NUTM1: variants seen among roughly 807,000 people sequenced by gnomAD.
The protein encoded by NUTM1 is NUT midline carcinoma family member 1, also known as NUT family member 1.
In NUTM1, 39 loss-of-function variants were observed where a neutral mutation model predicts 88.7. That is an observed-to-expected ratio of 0.44 (90% confidence interval 0.34 to 0.57). The LOEUF (loss-of-function observed/expected upper bound fraction) is 0.57. Ranked by LOEUF, NUTM1 falls within the 20% of genes least tolerant of loss-of-function variation. The probability of loss-of-function intolerance (pLI) is 0.01; values close to 1 mark genes in which losing one functional copy is unlikely to be tolerated. For missense variants in NUTM1, 1,350 were observed against 1,414.5 expected (o/e 0.95, Z 0.73); for synonymous variants, 494 against 538.0 (o/e 0.92, Z 1.13).
chr15:34,347,858 A>C (rs1024706047), intron 2 of NUTM1, 111 bp from the exon 3 acceptor site: 1 of 1,924 alleles, frequency 5.2e-4, no homozygotes, highest in African/African-American at 5.7e-4. Context: ...ATCTCAAAAA[A>C]TAAAAATAAA....
chr15:34,354,493 C>T lies in NUTM1; in HGVS notation c.1123C>T (p.Arg375Cys), dbSNP rs202083206. The T allele has an allele frequency of 1.8e-5, 29 of 1,614,138 alleles. No individual in the cohort carries two copies. In the African/African-American group the frequency reaches 3.1e-4, roughly 17 times the overall value. The stretch of plus-strand genomic sequence containing the variant: ...CTCCAAGACACGGGCCCCCCGCCGG[C>T]GTCAGCGTAAAGCCCAGAGACCTCC... ...AASKTRAPRRRQRKAQRPPAP... is the reference protein window; with the variant it reads ...AASKTRAPRRCQRKAQRPPAP... Residue 375 changes from arginine (R) to cysteine (C), a missense_variant, in exon 6 of 8, where the codon CGT becomes TGT. Around this residue, in one of 5 missense-constraint regions of NUTM1, gnomAD observed 89 missense variants for 76.0 expected, o/e 1.17. Transcript: ENST00000537011.
rs564531924 is a variant in NUTM1 at position 34,348,730 on chromosome 15, C to A, written c.809+53C>A. 8 of 1,324,948 alleles carry A rather than the reference C, an allele frequency of 6.0e-6. No homozygotes were observed. In the Middle Eastern group the frequency reaches 7.4e-4, roughly 123 times the overall value. The allele number at this position is 1,324,948 out of a possible 1,614,324, so 82.1% of individuals were successfully genotyped here. The stretch of plus-strand genomic sequence containing the variant: ...TTCTAGGGCTTTTAAATAAGGAGGA[C>A]TTTGGGGTGAACATAGTAGTTTAGG... On this transcript the variant is annotated intron_variant, in intron 3 of 7. Transcript: ENST00000537011.
chr15:34,355,138 G>T lies in NUTM1; in HGVS notation c.1479+1G>T. 1 of 1,559,096 alleles carries T rather than the reference G, an allele frequency of 6.4e-7. No individual in the cohort carries two copies. The highest frequency in any genetic ancestry group is 8.9e-7 in the Non-Finnish European group (1 of 1,129,928). On this transcript the variant is annotated splice_donor_variant, in intron 7 of 7. Transcript: ENST00000537011. LOFTEE classifies it high-confidence loss of function. The surrounding 1 kb of genome is among the most constrained non-coding windows in gnomAD (Gnocchi z 4.3). ...AGAAGAAGGACTCACTCTTGCCCAG[G>T]TAAAACTGGGGTATAGGAAATATGA... is the stretch of plus-strand genomic sequence containing the variant.
At position 34,354,438 on chromosome 15, in the gene NUTM1, T is replaced by C; in HGVS notation, c.1076-8T>C. ...ACTTCCCATTCTCCTGTCCATCTCT[T>C]CCCTTAGTGTACATTCCGAAGAAGG... On this transcript the variant is annotated splice_region_variant and splice_polypyrimidine_tract_variant and intron_variant, in intron 5 of 7. Coordinates refer to ENST00000537011, the MANE Select transcript of NUTM1 (RefSeq NM_001284292.2). The C allele has an allele frequency of 6.2e-7, 1 of 1,613,318 alleles. No individual in the cohort carries two copies. Among genetic ancestry groups the C allele is most frequent in the Non-Finnish European group, 8.5e-7 (1 of 1,179,806 alleles).
rs1342457471 is a variant in NUTM1 at position 34,343,642 on chromosome 15, C to A, written c.-55C>A. The stretch of plus-strand genomic sequence containing the variant: ...ATGAAACTGGTGAAGCATGTTTCAG[C>A]GGTCGAACCAAGATTTAAAGTTAGG... On this transcript the variant is annotated 5_prime_UTR_variant, in exon 1 of 8. Transcript: ENST00000537011. The A allele has an allele frequency of 2.0e-6, 3 of 1,534,548 alleles. No individual in the cohort carries two copies. The highest frequency in any genetic ancestry group is 2.4e-5 in the East Asian group (1 of 40,906).
chr15:34,356,880 C>A lies in NUTM1; in HGVS notation c.2872C>A (p.Pro958Thr). 1.9e-6 allele frequency: 3 copies of A among 1,612,842 alleles called. No homozygotes were observed. Among genetic ancestry groups the A allele is most frequent in the Non-Finnish European group, 2.5e-6 (3 of 1,179,814 alleles). Residue 958 changes from proline to threonine, a missense_variant, in exon 8 of 8, where the codon CCC becomes ACC. This residue lies in a region of NUTM1 where 730 missense variants were observed against 728.8 expected (regional missense o/e 1.00). Coordinates refer to ENST00000537011, the MANE Select transcript of NUTM1 (RefSeq NM_001284292.2). Reference protein sequence around the residue: ...TCPLNVHSYDPQGEGRVDPDL... With the variant: ...TCPLNVHSYDTQGEGRVDPDL... Reference sequence around the variant, plus strand: ...CCCACTGAATGTTCATTCTTATGACCCCCAAGGAGAAGGCAGGGTGGATCC... The same window carrying A: ...CCCACTGAATGTTCATTCTTATGACACCCAAGGAGAAGGCAGGGTGGATCC...
rs1447077388 is a variant in NUTM1, at chr15:34,343,343, AG to A, written c.-348del. The A allele has an allele frequency of 4.9e-6, 3 of 615,908 alleles. No homozygotes were observed. Among genetic ancestry groups the A allele is most frequent in the Non-Finnish European group, 8.7e-6 (3 of 346,450 alleles). 38.2% of individuals were successfully genotyped at this position (615,908 alleles called of 1,614,324 possible). A position where few individuals can be genotyped will look rare whatever the true frequency, so the allele number is the denominator to read the frequency against. ...CTGTGTGCTAGGTACACGGCGTTAGAGGGGGGTAGGGATGGATGTGGATAGA... is the reference window on the plus strand; with the variant it reads ...CTGTGTGCTAGGTACACGGCGTTAGAGGGGGTAGGGATGGATGTGGATAGA... On this transcript the variant is annotated 5_prime_UTR_variant, in exon 1 of 8. Coordinates refer to ENST00000537011, the MANE Select transcript of NUTM1 (RefSeq NM_001284292.2).
At position 34,355,576 on chromosome 15, in the gene NUTM1, C is replaced by T. The variant is rs764062518; in HGVS notation, c.1568C>T (p.Pro523Leu). The T allele has an allele frequency of 6.2e-7, 1 of 1,614,210 alleles. No homozygotes were observed. The highest frequency in any genetic ancestry group is 8.5e-7 in the Non-Finnish European group (1 of 1,180,038). The change falls in exon 8 of 8, where the codon CCT (proline) becomes CTT (leucine). Residue 523 changes from proline to leucine, a missense_variant. Pro to Leu is a moderately conservative substitution (Grantham distance 98, BLOSUM62 -3). Around this residue, in one of 5 missense-constraint regions of NUTM1, gnomAD observed 126 missense variants for 189.8 expected, o/e 0.66. Coordinates refer to ENST00000537011, the MANE Select transcript of NUTM1 (RefSeq NM_001284292.2). The surrounding 1 kb of genome is among the most constrained non-coding windows in gnomAD (Gnocchi z 4.3). ...SFSGAQLDSS[P>L]SGSVEDEDGD... ...AGTGGCGCTCAGTTGGACTCAAGTCCTTCTGGTTCTGTTGAGGATGAAGAT... is the reference window on the plus strand; with the variant it reads ...AGTGGCGCTCAGTTGGACTCAAGTCTTTCTGGTTCTGTTGAGGATGAAGAT...
chr15:34,354,786 C>T (rs908185185), intron 6 of NUTM1, 54 bp downstream of exon 6: 14 of 1,565,840 alleles, frequency 8.9e-6, no homozygotes, highest in African/African-American at 2.7e-5. Flanking sequence ...TGGGTACTCC[C>T]GGGAACTAAT....
At chr15:34,351,846 T>C (rs1053820436) in intron 4 of NUTM1, among the ~76,000 whole-genome samples, 1 of 150,550 alleles carries the variant, frequency 6.6e-6, no homozygotes, top group Non-Finnish European at 1.5e-5. Flanking sequence ...CTGGCTCTTC[T>C]TCTATTTCTC....
rs776386588 is a variant in NUTM1 at position 34,356,374 on chromosome 15, G to T, written c.2366G>T (p.Gly789Val). The T allele has an allele frequency of 6.2e-7, 1 of 1,613,566 alleles. No individual in the cohort carries two copies. The highest frequency in any genetic ancestry group is 1.7e-5 in the Admixed American group (1 of 59,926). Residue 789 changes from glycine to valine, a missense_variant, in exon 8 of 8, where the codon GGA becomes GTA. This residue lies in a region of NUTM1 where 730 missense variants were observed against 728.8 expected (regional missense o/e 1.00). Coordinates refer to ENST00000537011, the MANE Select transcript of NUTM1 (RefSeq NM_001284292.2). Reference protein sequence around the residue: ...CVTEYQEGCQGLGSRGNISLG... With the variant: ...CVTEYQEGCQVLGSRGNISLG... The stretch of plus-strand genomic sequence containing the variant: ...ACTGAGTATCAGGAAGGCTGCCAGG[G>T]ACTGGGCTCCAGGGGCAACATTTCC...
chr15:34,347,137 A>G (rs1442571529), intron 2 of NUTM1, among the ~76,000 whole-genome samples: 2 of 151,822 alleles, frequency 1.3e-5, no homozygotes, highest in African/African-American at 4.8e-5. Flanking sequence ...AAGAACTCAG[A>G]TGGGGTGTGG....
chr15:34,346,483 G>A (rs1357454735), intron 2 of NUTM1, among the ~76,000 whole-genome samples: 1 of 146,482 alleles, frequency 6.8e-6, no homozygotes, highest in Non-Finnish European at 1.5e-5. Context: ...GAGGATGGAG[G>A]ATGGGAGGGT....
intron 3 of NUTM1, among the ~76,000 whole-genome samples, chr15:34,349,194 C>G (rs986303226): frequency 9.2e-5 from 14 of 152,128 alleles, no homozygotes; most frequent in African/African-American, 3.1e-4. Flanking sequence ...CAGGAGAATT[C>G]ACTTTGAAAT....
chr15:34,347,015 G>A (rs1039777267), intron 2 of NUTM1, among the ~76,000 whole-genome samples: 3 of 150,222 alleles, frequency 2.0e-5, no homozygotes, highest in Non-Finnish European at 4.4e-5. Flanking sequence ...CATTCTCAAC[G>A]AGAAGTAAGA....
intron 3 of NUTM1, among the ~76,000 whole-genome samples, chr15:34,349,502 T>G (rs772457433): frequency 1.3e-5 from 2 of 152,128 alleles, no homozygotes; most frequent in Non-Finnish European, 2.9e-5. Flanking sequence ...AGAGCGAGTG[T>G]GTGTTTAGTC....
chr15:34,354,657 G>A lies in NUTM1; in HGVS notation c.1287G>A (p.Glu429=), dbSNP rs1890769230. 6.2e-7 allele frequency: 1 copy of A among 1,614,012 alleles called. No homozygotes were observed. Among genetic ancestry groups the A allele is most frequent in the Non-Finnish European group, 8.5e-7 (1 of 1,180,012 alleles). Residue 429 remains glutamate, a synonymous_variant, in exon 6 of 8, where the codon GAG becomes GAA. Transcript: ENST00000537011. ...KQEEEGQQQE[E]EGMYPDPGLL... ...AGGAAGAAGGGCAGCAGCAGGAGGA[G>A]GAAGGGATGTATCCAGATCCAGGTC...
Position 34,348,652 on chromosome 15 carries a change from A to C in NUTM1, c.784A>C (p.Thr262Pro). The change falls in exon 3 of 8, where the codon ACA (threonine) becomes CCA (proline). Residue 262 changes from threonine (T) to proline (P), a missense_variant. Thr to Pro is a conservative substitution (Grantham distance 38, BLOSUM62 -1). This residue lies in a region of NUTM1 where 399 missense variants were observed against 397.9 expected (regional missense o/e 1.00). Transcript: ENST00000537011. ...ARRHLSQSPD[T>P]EALSCFLIPV... ...GAGGCACCTATCCCAGAGTCCTGAC[A>C]CAGAAGCTCTTTCCTGTTTTCTTAT... The C allele has an allele frequency of 6.2e-7, 1 of 1,606,218 alleles. No individual in the cohort carries two copies. The highest frequency in any genetic ancestry group is 8.5e-7 in the Non-Finnish European group (1 of 1,179,084).
In NUTM1 at chr15:34,355,574, T is replaced by A; in HGVS notation, c.1566T>A (p.Ser522Arg). ...PSFSGAQLDS[S>R]PSGSVEDEDG... ...TCAGTGGCGCTCAGTTGGACTCAAG[T>A]CCTTCTGGTTCTGTTGAGGATGAAG... The change falls in exon 8 of 8, where the codon AGT becomes AGA. Residue 522 changes from serine (S) to arginine (R), a missense_variant. Transcript: ENST00000537011. The surrounding 1 kb of genome is among the most constrained non-coding windows in gnomAD (Gnocchi z 4.3). The A allele has an allele frequency of 1.2e-6, 2 of 1,614,196 alleles. No individual in the cohort carries two copies. The highest frequency in any genetic ancestry group is 1.7e-6 in the Non-Finnish European group (2 of 1,180,028).
Sources: allele counts gnomAD v4.1 joint callset (sites outside exome capture counted in the v4.1 genomes callset), GRCh38; gene constraint gnomAD v4.1.1; regional missense constraint gnomAD v4.1.1; non-coding constraint Gnocchi (gnomAD v3.1); transcripts MANE v1.5; gene names NCBI Gene and HGNC (gene_info 2026-07-23, HGNC 2026-07-21).